The following PARN variants were observed in gnomAD, a reference collection of about 807,000 sequenced individuals.
The protein encoded by PARN is poly(A)-specific ribonuclease, also known as poly(A)-specific ribonuclease PARN.
PARN carries 71 observed loss-of-function variants against 102.8 expected under a neutral mutation model. That is an observed-to-expected ratio of 0.69 (90% CI 0.57 to 0.84). The LOEUF (loss-of-function observed/expected upper bound fraction) is 0.84. Among genes scored for constraint, PARN ranks in the 40% least tolerant of loss-of-function variants. The pLI is 0.00. For missense variants in PARN, 782 were observed against 760.9 expected (o/e 1.03, Z -0.33); for synonymous variants, 261 against 252.9 (o/e 1.03, Z -0.30).
At chr16:14,520,448 C>A (rs1965678943) in intron 21 of PARN, among the ~76,000 whole-genome samples, 3 of 151,934 alleles carry the variant, frequency 2.0e-5, no homozygotes, top group Admixed American at 2.0e-4. Flanking sequence ...AATCTGTGGG[C>A]CAGGCATGGT....
At chr16:14,582,125 A>G (rs1458941388) in intron 17 of PARN, 56 bp downstream of exon 17, 14 of 1,024,790 alleles carry the variant, frequency 1.4e-5, no homozygotes, top group Non-Finnish European at 2.0e-5. Flanking sequence ...GCCAGGAGAC[A>G]GGTAAGATCC....
chr16:14,512,036 T>C (rs1011876214), intron 21 of PARN, among the ~76,000 whole-genome samples: 1 of 152,200 alleles, frequency 6.6e-6, no homozygotes, highest in African/African-American at 2.4e-5. Flanking sequence ...GAAAAGTCTC[T>C]AGGGTCTAAA....
At chr16:14,622,440 T>C (rs1310711899) in intron 5 of PARN, among the ~76,000 whole-genome samples, 1 of 152,228 alleles carries the variant, frequency 6.6e-6, no homozygotes, top group East Asian at 1.9e-4. Flanking sequence ...TACGTATCCA[T>C]ACTACGAAAT....
rs75535170 is a variant in PARN at position 14,483,299 on chromosome 16, G to A, written c.1481-472C>T. On this transcript the variant is annotated intron_variant, in intron 21 of 23. Transcript: ENST00000437198. ...ACTGTGTCACACACTGAAGATCTCCGGTATGTCTGTGTGCAGTGTTTTACA... is the reference window on the plus strand; with the variant it reads ...ACTGTGTCACACACTGAAGATCTCCAGTATGTCTGTGTGCAGTGTTTTACA... Among the ~76,000 whole-genome samples the A allele has an allele frequency of 3.5e-3, 532 of 152,216 alleles. 22 individuals carry two copies. In the East Asian group the frequency reaches 0.085, roughly 24 times the overall value.
At position 14,482,621 on chromosome 16, in the gene PARN, C is replaced by T. The variant is rs116427010; in HGVS notation, c.1670+17G>A. ...CTAGAACTCTGGCCTTTTAAATTAACAGCTGAGAGCTCTTACCTATTGTTG... is the reference window on the plus strand; with the variant it reads ...CTAGAACTCTGGCCTTTTAAATTAATAGCTGAGAGCTCTTACCTATTGTTG... On this transcript the variant is annotated intron_variant, in intron 22 of 23. Transcript: ENST00000437198. 3 of 1,549,176 alleles carry T rather than the reference C, an allele frequency of 1.9e-6. No individual in the cohort carries two copies. Among genetic ancestry groups the T allele is most frequent in the South Asian group, 1.2e-5 (1 of 81,132 alleles).
chr16:14,561,667 G>C (rs956672567), intron 18 of PARN, among the ~76,000 whole-genome samples: 6 of 152,214 alleles, frequency 3.9e-5, no homozygotes, highest in African/African-American at 1.4e-4. Flanking sequence ...AAATTAGCCG[G>C]GCAAGGTGGC....
Position 14,584,437 on chromosome 16 carries a change from G to T in PARN, c.1006-15C>A, listed in dbSNP as rs775075978. On this transcript the variant is annotated splice_polypyrimidine_tract_variant and intron_variant, in intron 15 of 23. Coordinates refer to ENST00000437198, the MANE Select transcript of PARN (RefSeq NM_002582.4). Reference sequence around the variant, plus strand: ...TTAATGATATCCTGCAAACCACGAAGCAAAGAATTATGAGATTTCATCATC... The same window carrying T: ...TTAATGATATCCTGCAAACCACGAATCAAAGAATTATGAGATTTCATCATC... The T allele has an allele frequency of 3.7e-6, 6 of 1,604,662 alleles. No homozygotes were observed. Among genetic ancestry groups the T allele is most frequent in the Non-Finnish European group, 5.1e-6 (6 of 1,172,212 alleles).
chr16:14,454,810 G>C (rs1161579023), intron 22 of PARN, among the ~76,000 whole-genome samples: 2 of 152,152 alleles, frequency 1.3e-5, no homozygotes, highest in Non-Finnish European at 2.9e-5. Flanking sequence ...ATAGCATTGT[G>C]TTACATGTTG....
intron 21 of PARN, among the ~76,000 whole-genome samples, chr16:14,497,181 G>C: frequency 6.6e-6 from 1 of 151,712 alleles, no homozygotes; most frequent in East Asian, 1.9e-4. Flanking sequence ...TTTAAATGCT[G>C]GTATCTACCA....
chr16:14,599,003 G>T lies in PARN; in HGVS notation c.840+901C>A, dbSNP rs75691955. ...CAGCAGCATGACCTAGTTTACCTAT[G>T]TAAAATGCGGATGCCTGTTTTCTTT... On this transcript the variant is annotated intron_variant, in intron 12 of 23. Coordinates refer to ENST00000437198, the MANE Select transcript of PARN (RefSeq NM_002582.4). 6.0e-3 allele frequency among the ~76,000 whole-genome samples: 871 copies of T among 145,748 alleles called. 59 individuals carry two copies. In the East Asian group the frequency reaches 0.14, roughly 23 times the overall value.
Position 14,628,199 on chromosome 16 carries a change from T to C in PARN, c.150A>G (p.Pro50=), listed in dbSNP as rs1972796361. Residue 50 remains proline (P), a synonymous_variant, in exon 3 of 24, where the codon CCA becomes CCG. Coordinates refer to ENST00000437198, the MANE Select transcript of PARN (RefSeq NM_002582.4). The stretch of plus-strand genomic sequence containing the variant: ...TTTTAAGCTTCTGATACCTCTCTTC[T>C]GGAGTGTCAAAACCATTTGTTAATG... ...VSALTNGFDT[P]EERYQKLKKH... 6.2e-7 allele frequency: 1 copy of C among 1,604,440 alleles called. No homozygotes were observed. The highest frequency in any genetic ancestry group is 8.5e-7 in the Non-Finnish European group (1 of 1,171,682).
intron 10 of PARN, among the ~76,000 whole-genome samples, chr16:14,604,710 G>A (rs1445351975): frequency 6.6e-6 from 1 of 152,226 alleles, no homozygotes; most frequent in East Asian, 1.9e-4. Context: ...CTGCCTCCCA[G>A]ATTCAAGTGA....
At chr16:14,451,491 A>G (rs1466363079) in intron 22 of PARN, among the ~76,000 whole-genome samples, 1 of 152,198 alleles carries the variant, frequency 6.6e-6, no homozygotes, top group Non-Finnish European at 1.5e-5. Flanking sequence ...AACACGGATG[A>G]ATCTCAAACA....
chr16:14,522,444 G>A (rs955047827), intron 21 of PARN, among the ~76,000 whole-genome samples: 3 of 152,188 alleles, frequency 2.0e-5, no homozygotes, highest in Non-Finnish European at 2.9e-5. Flanking sequence ...GGAGGTTGAC[G>A]CAGGAGAATG....
At chr16:14,598,175 G>C (rs1039825268) in intron 12 of PARN, among the ~76,000 whole-genome samples, 6 of 151,946 alleles carry the variant, frequency 3.9e-5, no homozygotes, top group African/African-American at 1.4e-4. Flanking sequence ...TTTAAGGTAT[G>C]GGATTTACGC....
chr16:14,529,912 A>G (rs768015465), intron 21 of PARN, among the ~76,000 whole-genome samples: 3 of 152,090 alleles, frequency 2.0e-5, no homozygotes, highest in Non-Finnish European at 4.4e-5. Context: ...CCAGAAATCC[A>G]GACCACGAGA....
rs1471704011 is a variant in PARN, at chr16:14,606,820, C to T, written c.660-294G>A. On this transcript the variant is annotated intron_variant, in intron 9 of 23. Coordinates refer to ENST00000437198, the MANE Select transcript of PARN (RefSeq NM_002582.4). ...TTTTGAGACAAGAGTCTCTCTCTGT[C>T]GCCCAGGCTGGAGGGCAGTGGCGCG... 4.1e-5 allele frequency among the ~76,000 whole-genome samples: 6 copies of T among 146,714 alleles called. No individual in the cohort carries two copies. In the East Asian group the frequency reaches 8.0e-4, roughly 20 times the overall value.
chr16:14,447,974 CT>C (rs1961276747), intron 22 of PARN, among the ~76,000 whole-genome samples: 2 of 150,648 alleles, frequency 1.3e-5, no homozygotes, highest in Non-Finnish European at 2.9e-5. Flanking sequence ...ATCTATCTAT[CT>C]ATCTATCTAT....
chr16:14,603,388 A>G (rs1293773140), intron 11 of PARN, among the ~76,000 whole-genome samples: 3 of 152,168 alleles, frequency 2.0e-5, no homozygotes, highest in African/African-American at 4.8e-5. Flanking sequence ...CCTAATGTAC[A>G]TATGAGCATG....
Sources: gnomAD v4.1 joint callset for allele counts (sites outside exome capture counted in the v4.1 genomes callset) on GRCh38, gnomAD v4.1.1 for gene constraint, MANE v1.5 for transcripts, NCBI Gene and HGNC (gene_info 2026-07-23, HGNC 2026-07-21) for gene names.